USP6NL: variants seen among roughly 807,000 people sequenced by gnomAD.
USP6NL encodes USP6 N-terminal like.
A neutral mutation model predicts 61.9 loss-of-function variants in USP6NL; 26 were observed. The ratio of observed to expected loss-of-function variants is 0.42; its 90% CI spans 0.31 to 0.58. USP6NL has a LOEUF of 0.58. Ranked by LOEUF, USP6NL falls within the 20% of genes least tolerant of loss-of-function variation. USP6NL has a pLI of 0.16. For missense variants in USP6NL, 1,114 were observed against 1,034.3 expected, an observed-to-expected ratio of 1.08 and a Z score of -1.06; for synonymous variants, 432 against 390.1, an observed-to-expected ratio of 1.11 and a Z score of -1.27.
intron 2 of USP6NL, chr10:11,564,571 A>AC (rs1381339550): frequency 6.6e-6 from 1 of 152,230 alleles, no homozygotes; most frequent in Non-Finnish European, 1.5e-5. Context: ...CCTTGCCCTC[A>AC]AGAAGCTCAC....
chr10:11,595,862 A>G lies in USP6NL; in HGVS notation c.4+1769T>C, dbSNP rs371060792. Among the ~76,000 whole-genome samples, 5 of 152,238 alleles carry G rather than the reference A, an allele frequency of 3.3e-5. No individual in the cohort carries two copies. Among genetic ancestry groups the G allele is most frequent in the African/African-American group, 1.2e-4 (5 of 41,466 alleles). On this transcript the variant is annotated intron_variant, in intron 2 of 14. Transcript: ENST00000609104. The surrounding 1 kb of genome is among the most constrained non-coding windows in gnomAD (Gnocchi z 5.3). ...ACAGAACCAATTGTTTTAAGTGGAC[A>G]TGAAAAAGAATTAGTGGATTAGTGG...
At chr10:11,556,978 C>T (rs1262709030) in intron 2 of USP6NL, among the ~76,000 whole-genome samples, 2 of 152,080 alleles carry the variant, frequency 1.3e-5, no homozygotes, top group Non-Finnish European at 2.9e-5. Flanking sequence ...GATGAAAAGC[C>T]CACTGACCAC....
chr10:11,463,859 AAG>A lies in USP6NL; in HGVS notation c.1079-12_1079-11del. 1 of 1,457,354 alleles carries A rather than the reference AAG, an allele frequency of 6.9e-7. No individual in the cohort carries two copies. 90.3% of individuals were successfully genotyped at this position (1,457,354 alleles called of 1,614,324 possible). ...TATTCATCCTCTTTACCTGAAAAGA[AAG>A]AGAAAGGCTAAGTAAGATAATACAC... is the stretch of plus-strand genomic sequence containing the variant. On this transcript the variant is annotated splice_polypyrimidine_tract_variant and intron_variant, in intron 14 of 14. Transcript: ENST00000609104. This position sits in a 1 kb window ranked among gnomAD's most constrained non-coding sequence, Gnocchi z 6.3.
chr10:11,529,154 T>C (rs1271196604), intron 2 of USP6NL, among the ~76,000 whole-genome samples: 2 of 151,514 alleles, frequency 1.3e-5, no homozygotes, highest in Non-Finnish European at 2.9e-5. Flanking sequence ...AAAAATAAAA[T>C]CTAAAATGAA....
At chr10:11,542,627 G>A (rs771248014) in intron 2 of USP6NL, among the ~76,000 whole-genome samples, 4 of 152,160 alleles carry the variant, frequency 2.6e-5, no homozygotes, top group Non-Finnish European at 5.9e-5. Flanking sequence ...GCAGAGGCAG[G>A]AGAATTGCCT....
chr10:11,534,042 T>C (rs1418073482), intron 2 of USP6NL, among the ~76,000 whole-genome samples: 1 of 150,734 alleles, frequency 6.6e-6, no homozygotes, highest in Non-Finnish European at 1.5e-5. Flanking sequence ...ATCCCCCCAC[T>C]CTCCATGAAA....
At position 11,519,926 on chromosome 10, in the gene USP6NL, T is replaced by C. The variant is rs75217813; in HGVS notation, c.156-1352A>G. Reference sequence around the variant, plus strand: ...TCTCTTGAGATCAAATAATATATCATCTTGAAGAGCATGATAGAGCGGTAT... The same window carrying C: ...TCTCTTGAGATCAAATAATATATCACCTTGAAGAGCATGATAGAGCGGTAT... On this transcript the variant is annotated intron_variant, in intron 4 of 14. Coordinates refer to ENST00000609104, the MANE Select transcript of USP6NL (RefSeq NM_014688.5). Among the ~76,000 whole-genome samples, 605 of 152,310 alleles carry C rather than the reference T, an allele frequency of 4.0e-3. 2 individuals carry two copies. Among genetic ancestry groups the C allele is most frequent in the African/African-American group, 0.014 (587 of 41,564 alleles).
intron 2 of USP6NL, among the ~76,000 whole-genome samples, chr10:11,551,425 G>A (rs773684226): frequency 1.3e-5 from 2 of 152,216 alleles, no homozygotes; most frequent in South Asian, 2.1e-4. Flanking sequence ...CCACTGAACC[G>A]ACAGATCAGA....
At chr10:11,546,704 T>C (rs1591913291) in intron 2 of USP6NL, among the ~76,000 whole-genome samples, 1 of 152,292 alleles carries the variant, frequency 6.6e-6, no homozygotes, top group East Asian at 1.9e-4. Context: ...CTTATAGGAC[T>C]TGCCTTCAGT....
At chr10:11,497,763 A>G (rs1450298984) in intron 7 of USP6NL, among the ~76,000 whole-genome samples, 1 of 152,252 alleles carries the variant, frequency 6.6e-6, no homozygotes, top group African/African-American at 2.4e-5. Flanking sequence ...GGAATCAAAC[A>G]TATTTTTTAC....
Position 11,589,409 on chromosome 10 carries a change from A to C in USP6NL, c.4+8222T>G, listed in dbSNP as rs550307956. On this transcript the variant is annotated intron_variant, in intron 2 of 14. Transcript: ENST00000609104. The surrounding 1 kb of genome is among the most constrained non-coding windows in gnomAD (Gnocchi z 4.7). ...GGTTCCTCCTCCCCTAATCCAGAAC[A>C]CTTCACACATGACCTACATCTACAT... Among the ~76,000 whole-genome samples the C allele has an allele frequency of 6.6e-5, 10 of 152,326 alleles. No homozygotes were observed. The South Asian group carries it at 2.1e-3, about 32-fold the overall frequency.
At chr10:11,608,922 G>A in intron 1 of USP6NL, among the ~76,000 whole-genome samples, 1 of 152,214 alleles carries the variant, frequency 6.6e-6, no homozygotes, top group Non-Finnish European at 1.5e-5. Context: ...ACATGGACGT[G>A]TGCTACAAGT....
chr10:11,466,942 G>A (rs999137368), intron 14 of USP6NL, among the ~76,000 whole-genome samples: 6 of 152,196 alleles, frequency 3.9e-5, no homozygotes, highest in Admixed American at 1.3e-4. Flanking sequence ...ACTGTTGACC[G>A]AAAGTTCATT....
At chr10:11,560,310 A>AT (rs1014845204) in intron 2 of USP6NL, among the ~76,000 whole-genome samples, 2 of 152,158 alleles carry the variant, frequency 1.3e-5, no homozygotes, top group Non-Finnish European at 2.9e-5. Context: ...GCTTTTAAAC[A>AT]TAAGAAAATC....
At position 11,462,853 on chromosome 10, in the gene USP6NL, A is replaced by G. The variant is rs564148454; in HGVS notation, c.2075T>C (p.Val692Ala). ...GACTTCTATTCGACTAGACGGCAGTACAAGGGGGCTTGGGCGGCTGTAAGA... is the reference window on the plus strand; with the variant it reads ...GACTTCTATTCGACTAGACGGCAGTGCAAGGGGGCTTGGGCGGCTGTAAGA... The part of the protein sequence containing the change: ...EKSYSRPSPL[V>A]LPSSRIEVLP... Residue 692 changes from valine (V) to alanine (A), a missense_variant, in exon 15 of 15, where the codon GTA (valine) becomes GCA (alanine). Val to Ala is a moderately conservative substitution (Grantham distance 64, BLOSUM62 0). Transcript: ENST00000609104. 1.4e-5 allele frequency: 23 copies of G among 1,613,998 alleles called. No individual in the cohort carries two copies. The African/African-American group carries it at 2.8e-4, about 20-fold the overall frequency.
chr10:11,592,252 G>A lies in USP6NL; in HGVS notation c.4+5379C>T, dbSNP rs986234765. Among the ~76,000 whole-genome samples, 3 of 152,130 alleles carry A rather than the reference G, an allele frequency of 2.0e-5. No individual in the cohort carries two copies. The highest frequency in any genetic ancestry group is 2.9e-5 in the Non-Finnish European group (2 of 68,014). Reference sequence around the variant, plus strand: ...AGCACAGTATATTCCACTTTAAATAGTGTTAATAACAACGAAGTACACTAA... The same window carrying A: ...AGCACAGTATATTCCACTTTAAATAATGTTAATAACAACGAAGTACACTAA... On this transcript the variant is annotated intron_variant, in intron 2 of 14. Transcript: ENST00000609104. The surrounding 1 kb of genome is among the most constrained non-coding windows in gnomAD (Gnocchi z 4.7).
rs1837555485 is a variant in USP6NL, at chr10:11,576,628, C to G, written c.4+21003G>C. 1.3e-5 allele frequency among the ~76,000 whole-genome samples: 2 copies of G among 152,178 alleles called. 1 individual carries two copies. The highest frequency in any genetic ancestry group is 4.1e-4 in the South Asian group (2 of 4,828). The stretch of plus-strand genomic sequence containing the variant: ...TGCCAGTGCCTTGATCTTGGACTTC[C>G]CAGCCTCCAGAACTGTAAGAAATAA... On this transcript the variant is annotated intron_variant, in intron 2 of 14. Transcript: ENST00000609104.
chr10:11,597,567 C>A lies in USP6NL; in HGVS notation c.4+64G>T, dbSNP rs1161395934. On this transcript the variant is annotated intron_variant, in intron 2 of 14. Transcript: ENST00000609104. This position sits in a 1 kb window ranked among gnomAD's most constrained non-coding sequence, Gnocchi z 4.6. ...ATTTATTCAGTAACATGTTTTTCTT[C>A]TCCTAAGCACAATACAGCAAACGCT... The A allele has an allele frequency of 1.3e-6, 2 of 1,514,836 alleles. No individual in the cohort carries two copies. Among genetic ancestry groups the A allele is most frequent in the Non-Finnish European group, 1.8e-6 (2 of 1,114,292 alleles). 93.8% of individuals were successfully genotyped at this position (1,514,836 alleles called of 1,614,324 possible). A position where few individuals can be genotyped will look rare whatever the true frequency, so the allele number is the denominator to read the frequency against.
At chr10:11,555,433 A>AATATATAT (rs1157927483) in intron 2 of USP6NL, among the ~76,000 whole-genome samples, 16 of 49,020 alleles carry the variant, frequency 3.3e-4, no homozygotes, top group African/African-American at 7.5e-4. Flanking sequence ...AAAAAAAAAA[A>AATATATAT]ATATATATAT....
Sources: gnomAD v4.1 joint callset for allele counts (sites outside exome capture counted in the v4.1 genomes callset) on GRCh38, gnomAD v4.1.1 for gene constraint, Gnocchi (gnomAD v3.1) non-coding constraint, MANE v1.5 for transcripts, NCBI Gene and HGNC (gene_info 2026-07-23, HGNC 2026-07-21) for gene names.